The following MCF2L variants were observed in gnomAD, a reference collection of about 807,000 sequenced individuals.
MCF2L encodes the protein guanine nucleotide exchange factor DBS.
In MCF2L, 97 loss-of-function variants were observed where a neutral mutation model predicts 153.4. That is an observed-to-expected ratio of 0.63 (90% CI 0.54 to 0.75). The LOEUF (loss-of-function observed/expected upper bound fraction) is 0.75, where lower values mean the gene tolerates loss of function less well. Ranked by LOEUF, MCF2L falls within the 30% of genes least tolerant of loss-of-function variation. The pLI, the probability that MCF2L is intolerant of heterozygous loss-of-function variation, is 0.00. For synonymous variants in MCF2L, 659 were observed against 632.2 expected (o/e 1.04, Z -0.64); for missense variants, 1,347 against 1,495.2 (o/e 0.90, Z 1.64).
In MCF2L at chr13:112,993,148, A is replaced by G. The variant is rs903649642; in HGVS notation, c.80-21615A>G. 2.0e-5 allele frequency among the ~76,000 whole-genome samples: 3 copies of G among 152,222 alleles called. No individual in the cohort carries two copies. Among genetic ancestry groups the G allele is most frequent in the Non-Finnish European group, 2.9e-5 (2 of 68,030 alleles). On this transcript the variant is annotated intron_variant, in intron 1 of 29. Transcript: ENST00000535094. This position sits in a 1 kb window ranked among gnomAD's most constrained non-coding sequence, Gnocchi z 4.6. ...CGCGGAGGGAGAGGTAGCGCGGGGC[A>G]TGGGGAGGCCACAGAGAGGCTGTAC...
intron 2 of MCF2L, among the ~76,000 whole-genome samples, chr13:112,911,165 C>T (rs2081227875): frequency 6.6e-6 from 1 of 152,230 alleles, no homozygotes; most frequent in Admixed American, 6.5e-5. Context: ...GCCAAGGCCC[C>T]CTCAGGAGCC....
At chr13:112,973,821 G>C (rs2082130812) in intron 1 of MCF2L, among the ~76,000 whole-genome samples, 1 of 152,202 alleles carries the variant, frequency 6.6e-6, no homozygotes, top group South Asian at 2.1e-4. Flanking sequence ...TCTCAGGAGT[G>C]AGTGATGCCA....
At chr13:112,900,644 G>A (rs529037276) in intron 1 of MCF2L, among the ~76,000 whole-genome samples, 20 of 152,218 alleles carry the variant, frequency 1.3e-4, no homozygotes, top group South Asian at 4.1e-4. Context: ...GAAGAGGGGC[G>A]GGTGGAGAAG....
Position 113,074,497 on chromosome 13 carries a change from C to T in MCF2L, c.1050C>T (p.Ile350=), listed in dbSNP as rs10162257. 4.2e-3 allele frequency: 6,813 copies of T among 1,614,060 alleles called. 243 individuals are homozygous for T. The African/African-American group carries it at 0.08, about 19-fold the overall frequency. ...ASQKIATFTD[I]GNSLAHVEHL... ...AGAAGATAGCAACCTTCACAGACAT[C>T]GGCAACAGCCTGGCGCATGTGGAGC... Residue 350 remains isoleucine (I), a synonymous_variant, in exon 10 of 30, where the codon ATC becomes ATT. Transcript: ENST00000535094. This position sits in a 1 kb window ranked among gnomAD's most constrained non-coding sequence, Gnocchi z 4.2.
At chr13:113,058,813 G>A (rs2030815856) in intron 4 of MCF2L, among the ~76,000 whole-genome samples, 1 of 145,028 alleles carries the variant, frequency 6.9e-6, no homozygotes, top group Admixed American at 6.8e-5. Flanking sequence ...CACTGAGTGG[G>A]CGCTGTGTGT....
intron 26 of MCF2L, chr13:113,093,753 T>G (rs2035413897): frequency 6.6e-6 from 1 of 152,406 alleles, no homozygotes; most frequent in South Asian, 2.1e-4. Context: ...GCGCTGGGCC[T>G]GCTGCCTGGT....
chr13:113,062,858 AT>A (rs2031740005), intron 5 of MCF2L, among the ~76,000 whole-genome samples: 1 of 152,132 alleles, frequency 6.6e-6, no homozygotes, highest in Admixed American at 6.5e-5. Flanking sequence ...AGAGGAGCTT[AT>A]GCGGCCGTCG....
intron 2 of MCF2L, among the ~76,000 whole-genome samples, chr13:112,942,522 T>A (rs1398209863): frequency 1.3e-5 from 2 of 152,344 alleles, no homozygotes; most frequent in African/African-American, 4.8e-5. Context: ...TCTTTTCTTT[T>A]ATCTCTTTGT....
intron 1 of MCF2L, chr13:113,001,921 G>GCC (rs1402602946): frequency 5.6e-6 from 9 of 1,593,676 alleles, no homozygotes; most frequent in Non-Finnish European, 5.1e-6. Context: ...ATGACGGTGC[G>GCC]CCGGCTGTCA....
At chr13:113,021,578 C>T (rs535309972) in intron 2 of MCF2L, among the ~76,000 whole-genome samples, 8 of 152,284 alleles carry the variant, frequency 5.3e-5, no homozygotes, top group Admixed American at 3.9e-4. Flanking sequence ...CTGTCCTCTG[C>T]GGCGTTCAGT....
chr13:113,075,223 C>G lies in MCF2L; in HGVS notation c.1308+34C>G, dbSNP rs766484371. 2.3e-5 allele frequency: 35 copies of G among 1,549,780 alleles called. No individual in the cohort carries two copies. The South Asian group carries it at 2.4e-4, about 11-fold the overall frequency. Reference sequence around the variant, plus strand: ...AGCCGGACCCCACCCCACTCCCCCCCAGCTGCGGAACCAGCCTCTTCCTCC... The same window carrying G: ...AGCCGGACCCCACCCCACTCCCCCCGAGCTGCGGAACCAGCCTCTTCCTCC... On this transcript the variant is annotated intron_variant, in intron 11 of 29. Coordinates refer to ENST00000535094, the MANE Select transcript of MCF2L (RefSeq NM_001112732.3).
At chr13:113,084,274 C>T (rs1444780965) in intron 18 of MCF2L, among the ~76,000 whole-genome samples, 1 of 151,814 alleles carries the variant, frequency 6.6e-6, no homozygotes, top group Non-Finnish European at 1.5e-5. Flanking sequence ...CTCCTGAACC[C>T]CAGAAAACGT....
rs372033279 is a variant in MCF2L at position 113,064,939 on chromosome 13, A to G, written c.610A>G (p.Ile204Val). ...TTGTGTTTTCTCTGTCCCCAAGGCC[A>G]TCGAAAGTTTCGCCCTCATGGTGAA... Reference protein sequence around the residue: ...HSRWLCQRTAIESFALMVKQT... With the variant: ...HSRWLCQRTAVESFALMVKQT... The change falls in exon 7 of 30, where the codon ATC (isoleucine) becomes GTC (valine). Residue 204 changes from isoleucine to valine, a missense_variant. Physicochemically the swap from Ile to Val is conservative, Grantham distance 29. This residue lies in a region of MCF2L where 820 missense variants were observed against 921.2 expected (regional missense o/e 0.89). Transcript: ENST00000535094. This position sits in a 1 kb window ranked among gnomAD's most constrained non-coding sequence, Gnocchi z 6.0. 6 of 1,612,238 alleles carry G rather than the reference A, an allele frequency of 3.7e-6. No homozygotes were observed. The highest frequency in any genetic ancestry group is 1.1e-5 in the South Asian group (1 of 91,024).
In MCF2L at chr13:112,904,336, G is replaced by C. The variant is rs1199352807; in HGVS notation, c.169+1965G>C. On this transcript the variant is annotated intron_variant, in intron 2 of 29. Transcript: ENST00000375608. This position sits in a 1 kb window ranked among gnomAD's most constrained non-coding sequence, Gnocchi z 4.2. ...GCATGTCAGGGTCCACCGTGCACCAGCCGTGGAGCAGAGCCTGGGCCCACG... is the reference window on the plus strand; with the variant it reads ...GCATGTCAGGGTCCACCGTGCACCACCCGTGGAGCAGAGCCTGGGCCCACG... Among the ~76,000 whole-genome samples, 2 of 152,148 alleles carry C rather than the reference G, an allele frequency of 1.3e-5. No individual in the cohort carries two copies. The highest frequency in any genetic ancestry group is 4.8e-5 in the African/African-American group (2 of 41,436).
Position 113,084,153 on chromosome 13 carries a change from T to C in MCF2L, c.2061+86T>C, listed in dbSNP as rs2034411584. On this transcript the variant is annotated intron_variant, in intron 18 of 29. Coordinates refer to ENST00000535094, the MANE Select transcript of MCF2L (RefSeq NM_001112732.3). ...CAGATTCTACTGCAAGTTCCTATTC[T>C]AACCAACTGAAATCACAAAATACGA... The C allele has an allele frequency of 6.3e-6, 7 of 1,106,558 alleles. No individual in the cohort carries two copies. In the South Asian group the frequency reaches 8.8e-5, roughly 14 times the overall value. 68.5% of individuals were successfully genotyped at this position (1,106,558 alleles called of 1,614,324 possible). A position where few individuals can be genotyped will look rare whatever the true frequency, so the allele number is the denominator to read the frequency against.
rs2086683133 is a variant in MCF2L at position 113,044,541 on chromosome 13, G to T, written c.279-730G>T. 3 of 1,347,008 alleles carry T rather than the reference G, an allele frequency of 2.2e-6. No individual in the cohort carries two copies. The African/African-American group carries it at 4.3e-5, about 19-fold the overall frequency. The allele number at this position is 1,347,008 out of a possible 1,614,324, so 83.4% of individuals were successfully genotyped here. ...CCCCTGCCTTAGGCATGCCCGTGTG[G>T]TTGTTTCTGCTTTGGATTGGCTGGT... On this transcript the variant is annotated intron_variant, in intron 3 of 29. Transcript: ENST00000535094.
chr13:112,982,087 A>T (rs1355808428), intron 1 of MCF2L, among the ~76,000 whole-genome samples: 1 of 152,118 alleles, frequency 6.6e-6, no homozygotes, highest in Non-Finnish European at 1.5e-5. Context: ...GGGGTCGGGC[A>T]GTGGGGGCCC....
intron 3 of MCF2L, chr13:113,044,277 C>G (rs948612761): frequency 3.3e-6 from 1 of 303,982 alleles, no homozygotes; most frequent in African/African-American, 2.2e-5. Flanking sequence ...GCAGCACCCA[C>G]CACACATGAA....
At chr13:113,012,982 G>A (rs2084270258) in intron 1 of MCF2L, among the ~76,000 whole-genome samples, 1 of 151,668 alleles carries the variant, frequency 6.6e-6, no homozygotes, top group South Asian at 2.1e-4. Context: ...AGGCGGTGTG[G>A]ACGGTGGACA....
Sources: allele counts gnomAD v4.1 joint callset (sites outside exome capture counted in the v4.1 genomes callset), GRCh38; gene constraint gnomAD v4.1.1; regional missense constraint gnomAD v4.1.1; non-coding constraint Gnocchi (gnomAD v3.1); transcripts MANE v1.5; gene names NCBI Gene and HGNC (gene_info 2026-07-23, HGNC 2026-07-21).